The following SDK1 variants were observed in gnomAD, a reference collection of about 807,000 sequenced individuals.
The protein encoded by SDK1 is sidekick cell adhesion molecule 1, also known as protein sidekick-1.
A neutral mutation model predicts 245.5 loss-of-function variants in SDK1; 157 were observed. That is an observed-to-expected ratio of 0.64 (90% CI 0.56 to 0.73). The LOEUF is 0.73. Among genes scored for constraint, SDK1 ranks in the 30% least tolerant of loss-of-function variants. The probability of loss-of-function intolerance (pLI) is 0.00; values close to 1 mark genes in which losing one functional copy is unlikely to be tolerated. For missense variants in SDK1, 3,583 were observed against 3,002.3 expected, an observed-to-expected ratio of 1.19 and a Z score of -4.52; for synonymous variants, 1,647 against 1,278.5, an observed-to-expected ratio of 1.29 and a Z score of -6.15.
chr7:3,406,534 C>T (rs374584152), intron 1 of SDK1, among the ~76,000 whole-genome samples: 8 of 152,238 alleles, frequency 5.3e-5, no homozygotes, highest in African/African-American at 1.9e-4. Flanking sequence ...TGGGCCAGTT[C>T]GTTAATCTAC....
intron 5 of SDK1, among the ~76,000 whole-genome samples, chr7:3,833,835 C>T (rs575746505): frequency 1.3e-5 from 2 of 152,158 alleles, no homozygotes. Context: ...TGATGAAAAT[C>T]TAGGAAGCAG....
chr7:4,202,270 G>A (rs778851521), intron 35 of SDK1, among the ~76,000 whole-genome samples: 3 of 152,210 alleles, frequency 2.0e-5, no homozygotes, highest in Non-Finnish European at 4.4e-5. Flanking sequence ...TATTCAGGAG[G>A]ATTTTGGCAG....
At chr7:3,955,569 A>G (rs945409586) in intron 7 of SDK1, among the ~76,000 whole-genome samples, 27 of 152,302 alleles carry the variant, frequency 1.8e-4, no homozygotes, top group African/African-American at 6.3e-4. Flanking sequence ...TCGGTGGACT[A>G]GCGTGCAGTG....
At chr7:3,362,560 A>C (rs1780982637) in intron 1 of SDK1, among the ~76,000 whole-genome samples, 1 of 152,140 alleles carries the variant, frequency 6.6e-6, no homozygotes, top group Admixed American at 6.5e-5. Flanking sequence ...TAAACTTAAA[A>C]ATTTTTTAAA....
At chr7:3,492,793 G>A (rs2177168) in intron 1 of SDK1, among the ~76,000 whole-genome samples, 12 of 152,194 alleles carry the variant, frequency 7.9e-5, no homozygotes, top group African/African-American at 1.4e-4. Context: ...CGATGCAGCT[G>A]TTTAGCTTGC....
chr7:3,743,004 G>C (rs1779519421), intron 4 of SDK1, among the ~76,000 whole-genome samples: 1 of 152,220 alleles, frequency 6.6e-6, no homozygotes, highest in African/African-American at 2.4e-5. Context: ...TGGATATTCA[G>C]TACACATGGT....
At chr7:3,505,244 T>C (rs1782357031) in intron 1 of SDK1, among the ~76,000 whole-genome samples, 1 of 152,180 alleles carries the variant, frequency 6.6e-6, no homozygotes, top group Non-Finnish European at 1.5e-5. Flanking sequence ...TACACATCTG[T>C]AATTTATTGT....
intron 1 of SDK1, among the ~76,000 whole-genome samples, chr7:3,563,699 C>T (rs188093942): frequency 3.3e-5 from 5 of 152,188 alleles, no homozygotes; most frequent in Admixed American, 2.6e-4. Flanking sequence ...AATTAATAAG[C>T]ATGAGCTGTT....
intron 5 of SDK1, among the ~76,000 whole-genome samples, chr7:3,937,939 G>A (rs1199017273): frequency 6.6e-6 from 1 of 152,094 alleles, no homozygotes. Context: ...CCATGTTCAA[G>A]CAGTTCTCCT....
chr7:3,880,543 C>CT (rs5882008), intron 5 of SDK1, among the ~76,000 whole-genome samples: 38,016 of 91,912 alleles, frequency 0.41, 9,024 homozygotes, highest in East Asian at 0.82. Flanking sequence ...ATGCCCTGGT[C>CT]TTTTTTTTTT....
chr7:3,858,281 G>A (rs59252575), intron 5 of SDK1, among the ~76,000 whole-genome samples: 10,218 of 152,028 alleles, frequency 0.067, 1,143 homozygotes, highest in African/African-American at 0.23. Flanking sequence ...GTCAGGCACC[G>A]TGGCACATGC....
At chr7:3,436,852 C>T (rs1562485627) in intron 1 of SDK1, among the ~76,000 whole-genome samples, 1 of 152,136 alleles carries the variant, frequency 6.6e-6, no homozygotes. Context: ...AAAAACTCGT[C>T]TACCCTCCCC....
intron 4 of SDK1, among the ~76,000 whole-genome samples, chr7:3,705,493 T>A (rs868494680): frequency 4.2e-5 from 5 of 120,224 alleles, no homozygotes; most frequent in Non-Finnish European, 6.9e-5. Context: ...TTTATTTTAT[T>A]TTTTATTTTA....
chr7:3,644,778 AAAAAAAAAAAAAAAC>A (rs1305880377), intron 4 of SDK1, among the ~76,000 whole-genome samples: 4 of 139,106 alleles, frequency 2.9e-5, no homozygotes, highest in African/African-American at 1.0e-4. Context: ...GTCTCCAAAA[AAAAAAAAAAAAAAAC>A]AAAAAACAAC....
Position 4,063,598 on chromosome 7 carries a change from A to AAAAAAAAAAAAC in SDK1, c.2912-4233_2912-4222dup, listed in dbSNP as rs1375212457. 2.0e-4 allele frequency among the ~76,000 whole-genome samples: 17 copies of AAAAAAAAAAAAC among 85,214 alleles called. 1 individual carries two copies. Among genetic ancestry groups the AAAAAAAAAAAAC allele is most frequent in the African/African-American group, 1.7e-3 (16 of 9,660 alleles). 55.9% of individuals were successfully genotyped at this position (85,214 alleles called of 152,430 possible). A position where few individuals can be genotyped will look rare whatever the true frequency, so the allele number is the denominator to read the frequency against. On this transcript the variant is annotated intron_variant, in intron 19 of 44. Transcript: ENST00000404826. Reference sequence around the variant, plus strand: ...CCAGTGTCATTTTCACAGAAATAGCAAAAAAAAAAAACAAAAAACCCCGTA... The same window carrying AAAAAAAAAAAAC: ...CCAGTGTCATTTTCACAGAAATAGCAAAAAAAAAAAACAAAAAAAAAAACAAAAAACCCCGTA...
chr7:3,455,471 G>T lies in SDK1; in HGVS notation c.298+153587G>T, dbSNP rs373440635. Among the ~76,000 whole-genome samples, 8 of 151,882 alleles carry T rather than the reference G, an allele frequency of 5.3e-5. No individual in the cohort carries two copies. The East Asian group carries it at 7.7e-4, about 15-fold the overall frequency. On this transcript the variant is annotated intron_variant, in intron 1 of 44. Coordinates refer to ENST00000404826, the MANE Select transcript of SDK1 (RefSeq NM_152744.4). ...CATTTTCTATAAATGTGAGACTTGG[G>T]TGGAGATTCATTTTTCTTTTTAATT...
intron 1 of SDK1, among the ~76,000 whole-genome samples, chr7:3,511,401 A>G (rs962935793): frequency 6.6e-6 from 1 of 152,200 alleles, no homozygotes; most frequent in African/African-American, 2.4e-5. Flanking sequence ...GAATTCTTGG[A>G]AGTTTAAATT....
intron 1 of SDK1, among the ~76,000 whole-genome samples, chr7:3,466,045 T>A (rs1780990150): frequency 6.6e-6 from 1 of 152,042 alleles, no homozygotes; most frequent in South Asian, 2.1e-4. Flanking sequence ...GTTTTTCTCT[T>A]CTCAGATGGG....
At chr7:4,188,590 C>T (rs1002175520) in intron 35 of SDK1, among the ~76,000 whole-genome samples, 11 of 151,788 alleles carry the variant, frequency 7.2e-5, no homozygotes, top group African/African-American at 2.2e-4. Flanking sequence ...TGAGGCATCT[C>T]TCCTTCCCAT....
Sources: allele counts gnomAD v4.1 joint callset (sites outside exome capture counted in the v4.1 genomes callset), GRCh38; gene constraint gnomAD v4.1.1; transcripts MANE v1.5; gene names NCBI Gene and HGNC (gene_info 2026-07-23, HGNC 2026-07-21).